MAD1L1: variants seen among roughly 807,000 people sequenced by gnomAD.
MAD1L1 encodes mitotic arrest deficient 1 like 1, also known as mitotic spindle assembly checkpoint protein MAD1.
In MAD1L1, 95 loss-of-function variants were observed where a neutral mutation model predicts 96.9. The ratio of observed to expected loss-of-function variants is 0.98; its 90% CI spans 0.83 to 1.16. The LOEUF (loss-of-function observed/expected upper bound fraction) is 1.16. MAD1L1 is among the 50% of genes most tolerant of loss of function. The probability of loss-of-function intolerance (pLI) is 0.00; values close to 1 mark genes in which losing one functional copy is unlikely to be tolerated. For missense variants in MAD1L1, 1,007 were observed against 954.4 expected, an observed-to-expected ratio of 1.06 and a Z score of -0.73; for synonymous variants, 473 against 396.6, an observed-to-expected ratio of 1.19 and a Z score of -2.29.
At chr7:1,863,076 A>T (rs1583586918) in intron 18 of MAD1L1, among the ~76,000 whole-genome samples, 1 of 152,052 alleles carries the variant, frequency 6.6e-6, no homozygotes, top group Non-Finnish European at 1.5e-5. Context: ...GGGACGCTGC[A>T]CTCCGCACCC....
At chr7:1,944,311 T>A (rs1254872054) in intron 16 of MAD1L1, among the ~76,000 whole-genome samples, 14 of 152,156 alleles carry the variant, frequency 9.2e-5, no homozygotes, top group Admixed American at 9.2e-4. Context: ...GCACTAGCCG[T>A]GGACATAAAA....
At chr7:1,818,300 G>A (rs1043166467) in intron 18 of MAD1L1, among the ~76,000 whole-genome samples, 17 of 152,254 alleles carry the variant, frequency 1.1e-4, no homozygotes, top group African/African-American at 4.1e-4. Flanking sequence ...TGGCCAGGCT[G>A]GACCAGAGAA....
chr7:1,818,457 C>T (rs1180496295), intron 18 of MAD1L1, among the ~76,000 whole-genome samples: 16 of 152,130 alleles, frequency 1.1e-4, no homozygotes, highest in Admixed American at 1.0e-3. Flanking sequence ...GATAACGGGT[C>T]ACTCAGCCTC....
At chr7:1,996,485 A>G (rs1276370526) in intron 14 of MAD1L1, among the ~76,000 whole-genome samples, 3 of 152,224 alleles carry the variant, frequency 2.0e-5, no homozygotes, top group Non-Finnish European at 4.4e-5. Flanking sequence ...GAGAGCCTAG[A>G]GCTTCTTCAT....
At chr7:2,228,397 T>C (rs1301754718) in intron 3 of MAD1L1, among the ~76,000 whole-genome samples, 1 of 152,006 alleles carries the variant, frequency 6.6e-6, no homozygotes, top group Non-Finnish European at 1.5e-5. Flanking sequence ...TAGGTGGGAT[T>C]ACAGGTGCCC....
chr7:2,204,508 T>A (rs1792488988), intron 10 of MAD1L1, among the ~76,000 whole-genome samples: 1 of 152,250 alleles, frequency 6.6e-6, no homozygotes, highest in Non-Finnish European at 1.5e-5. Context: ...CTGCTTTCTA[T>A]CACTGTTGCT....
intron 15 of MAD1L1, among the ~76,000 whole-genome samples, chr7:1,976,830 C>T (rs970186067): frequency 6.6e-6 from 1 of 152,170 alleles, no homozygotes; most frequent in Non-Finnish European, 1.5e-5. Context: ...ATTTACGAAC[C>T]TTGAGCTAGA....
intron 18 of MAD1L1, among the ~76,000 whole-genome samples, chr7:1,835,689 T>C (rs931672123): frequency 4.2e-4 from 64 of 152,212 alleles, no homozygotes; most frequent in African/African-American, 1.5e-3. Context: ...GGTGAGTCCA[T>C]ACAGTGAAGT....
rs752160631 is a variant in MAD1L1, at chr7:2,219,427, C to T, written c.501G>A (p.Ser167=). 6 of 1,613,648 alleles carry T rather than the reference C, an allele frequency of 3.7e-6. No individual in the cohort carries two copies. The highest frequency in any genetic ancestry group is 1.7e-5 in the Admixed American group (1 of 60,000). Residue 167 remains serine, a synonymous_variant, in exon 6 of 19, where the codon TCG becomes TCA. Coordinates refer to ENST00000265854, the MANE Select transcript of MAD1L1 (RefSeq NM_001013836.2). ...ETINALKGRI[S]ELQWSVMDQE... Reference sequence around the variant, plus strand: ...GGTCCATCACGCTCCACTGCAGTTCCGAGATCCTCCCCTTCAGTGCGTTGA... The same window carrying T: ...GGTCCATCACGCTCCACTGCAGTTCTGAGATCCTCCCCTTCAGTGCGTTGA...
chr7:2,165,879 A>AG (rs1031627983), intron 10 of MAD1L1, among the ~76,000 whole-genome samples: 5 of 152,178 alleles, frequency 3.3e-5, no homozygotes, highest in African/African-American at 1.2e-4. Context: ...CCGCTGACAA[A>AG]GGCAGGTCTG....
intron 10 of MAD1L1, among the ~76,000 whole-genome samples, chr7:2,194,337 G>A (rs1584518175): frequency 1.3e-5 from 2 of 152,210 alleles, no homozygotes; most frequent in Non-Finnish European, 2.9e-5. Flanking sequence ...ATGGCCTTCA[G>A]GCCAAACCTA....
At chr7:1,833,877 G>A (rs1294739865) in intron 18 of MAD1L1, among the ~76,000 whole-genome samples, 1 of 152,242 alleles carries the variant, frequency 6.6e-6, no homozygotes, top group Admixed American at 6.5e-5. Context: ...GAACCTGGAA[G>A]GCAGAGGTTG....
At chr7:2,037,059 C>A (rs982924689) in intron 12 of MAD1L1, among the ~76,000 whole-genome samples, 1 of 152,158 alleles carries the variant, frequency 6.6e-6, no homozygotes, top group African/African-American at 2.4e-5. Flanking sequence ...CAGCTCCCCC[C>A]ACAGCATGAG....
chr7:1,827,827 G>GGGTGT, intron 18 of MAD1L1, among the ~76,000 whole-genome samples: 1 of 151,794 alleles, frequency 6.6e-6, no homozygotes, highest in East Asian at 2.0e-4. Context: ...TCCTGGGCCC[G>GGGTGT]GGCTAGACAG....
At chr7:1,822,943 G>A (rs181151892) in intron 18 of MAD1L1, among the ~76,000 whole-genome samples, 3 of 152,114 alleles carry the variant, frequency 2.0e-5, no homozygotes, top group South Asian at 2.1e-4. Context: ...AGAGGAACTC[G>A]AAAGAGACCC....
chr7:1,842,665 C>T (rs1783339205), intron 18 of MAD1L1, among the ~76,000 whole-genome samples: 1 of 152,234 alleles, frequency 6.6e-6, no homozygotes, highest in South Asian at 2.1e-4. Context: ...ATCGCTGGGC[C>T]CATCATTTAC....
At chr7:1,998,084 G>GA (rs1381460615) in intron 14 of MAD1L1, among the ~76,000 whole-genome samples, 2 of 152,172 alleles carry the variant, frequency 1.3e-5, no homozygotes, top group Non-Finnish European at 2.9e-5. Context: ...CTAAAAAAGA[G>GA]AAAAAACACA....
intron 10 of MAD1L1, among the ~76,000 whole-genome samples, chr7:2,208,360 G>C (rs995574779): frequency 2.0e-5 from 3 of 151,656 alleles, no homozygotes; most frequent in African/African-American, 7.3e-5. Context: ...TCCAGGTACA[G>C]TTTTACTTCC....
At chr7:1,887,690 T>A (rs1372742901) in intron 18 of MAD1L1, among the ~76,000 whole-genome samples, 1 of 149,922 alleles carries the variant, frequency 6.7e-6, no homozygotes, top group Non-Finnish European at 1.5e-5. Context: ...TGCATGTGGG[T>A]GGCTGTGCAT....
Sources: allele counts gnomAD v4.1 joint callset (sites outside exome capture counted in the v4.1 genomes callset), GRCh38; gene constraint gnomAD v4.1.1; transcripts MANE v1.5; gene names NCBI Gene and HGNC (gene_info 2026-07-23, HGNC 2026-07-21).